The following LMBR1 variants were observed in gnomAD, a reference collection of about 807,000 sequenced individuals.
LMBR1 encodes limb region 1 protein homolog.
A neutral mutation model predicts 73.9 loss-of-function variants in LMBR1; 52 were observed. The ratio of observed to expected loss-of-function variants is 0.70; its 90% CI spans 0.56 to 0.89. The LOEUF is 0.89. Ranked by LOEUF, LMBR1 falls within the 40% of genes least tolerant of loss-of-function variation. LMBR1 has a pLI of 0.00. For missense variants in LMBR1, 539 were observed against 579.8 expected (o/e 0.93, Z 0.72); for synonymous variants, 215 against 209.4 (o/e 1.03, Z -0.23).
At chr7:156,673,925 A>G (rs73744314), downstream of LMBR1, among the ~76,000 whole-genome samples, 5,861 of 150,102 alleles carry the variant, frequency 0.039, 154 homozygotes, top group East Asian at 0.12. Context: ...AAAAAAAAGA[A>G]AAAGTGAACG....
At chr7:156,699,560 C>G (rs1809147574) in intron 15 of LMBR1, among the ~76,000 whole-genome samples, 1 of 151,800 alleles carries the variant, frequency 6.6e-6, no homozygotes, top group African/African-American at 2.4e-5. Context: ...CAAATGGGAT[C>G]TAATTAAACT....
chr7:156,836,497 A>G (rs994057403), intron 2 of LMBR1, among the ~76,000 whole-genome samples: 5 of 152,216 alleles, frequency 3.3e-5, no homozygotes, highest in Non-Finnish European at 7.3e-5. Context: ...TAAAACATTC[A>G]AAGTCAGAGC....
intron 1 of LMBR1, among the ~76,000 whole-genome samples, chr7:156,841,071 C>T (rs532062565): frequency 1.3e-5 from 2 of 151,638 alleles, no homozygotes; most frequent in South Asian, 4.2e-4. Flanking sequence ...AGCAGCCACT[C>T]GGACCTGTGC....
rs777740183 is a variant in LMBR1, at chr7:156,826,758, G to C, written c.180-14C>G. Reference sequence around the variant, plus strand: ...CTCAAAAACAACCTGGAAGAAAGGAGAGTCACCATCACAAGTGATCTGAAA... The same window carrying C: ...CTCAAAAACAACCTGGAAGAAAGGACAGTCACCATCACAAGTGATCTGAAA... On this transcript the variant is annotated splice_polypyrimidine_tract_variant and intron_variant, in intron 3 of 16. Coordinates refer to ENST00000353442, the MANE Select transcript of LMBR1 (RefSeq NM_022458.4). 1.3e-6 allele frequency: 2 copies of C among 1,598,862 alleles called. No individual in the cohort carries two copies. Among genetic ancestry groups the C allele is most frequent in the Non-Finnish European group, 1.7e-6 (2 of 1,171,330 alleles).
chr7:156,844,532 T>C (rs907369918), intron 1 of LMBR1, among the ~76,000 whole-genome samples: 10 of 150,868 alleles, frequency 6.6e-5, no homozygotes, highest in African/African-American at 2.2e-4. Flanking sequence ...TCTCCCTTTG[T>C]CCAGGATGAA....
At chr7:156,705,283 C>G (rs1810672908) in intron 15 of LMBR1, among the ~76,000 whole-genome samples, 1 of 152,180 alleles carries the variant, frequency 6.6e-6, no homozygotes. Flanking sequence ...TGCCCCTGGG[C>G]ATAGTGGCTT....
chr7:156,872,632 A>G (rs983456798), intron 1 of LMBR1, among the ~76,000 whole-genome samples: 3 of 151,836 alleles, frequency 2.0e-5, no homozygotes, highest in African/African-American at 7.3e-5. Context: ...GGGTAACAAG[A>G]GCAAAACTCC....
intron 4 of LMBR1, among the ~76,000 whole-genome samples, chr7:156,821,531 T>G (rs1316225565): frequency 6.6e-6 from 1 of 152,214 alleles, no homozygotes; most frequent in African/African-American, 2.4e-5. Flanking sequence ...TGTGTGATTA[T>G]TACATATTAA....
rs1219094430 is a variant in LMBR1 at position 156,681,994 on chromosome 7, T to C, written c.*2084A>G. ...CAGGAAGAGCCTCGAGGAACCGTGA[T>C]TACGCAGCAGCCCAAGGCTGTAACA... is the stretch of plus-strand genomic sequence containing the variant. On this transcript the variant is annotated 3_prime_UTR_variant, in exon 17 of 17. Coordinates refer to ENST00000353442, the MANE Select transcript of LMBR1 (RefSeq NM_022458.4). 2 of 152,264 alleles carry C rather than the reference T, an allele frequency of 1.3e-5. No individual in the cohort carries two copies. The highest frequency in any genetic ancestry group is 3.8e-4 in the East Asian group (2 of 5,200). The allele number at this position is 152,264 out of a possible 1,614,324, so 9.4% of individuals were successfully genotyped here. A position where few individuals can be genotyped will look rare whatever the true frequency, so the allele number is the denominator to read the frequency against.
At chr7:156,810,243 G>C (rs1167058499) in intron 4 of LMBR1, among the ~76,000 whole-genome samples, 1 of 152,200 alleles carries the variant, frequency 6.6e-6, no homozygotes, top group East Asian at 1.9e-4. Context: ...TGGAGAGGGG[G>C]TTGTGCCAGG....
downstream of LMBR1, chr7:156,676,494 G>A (rs1318025466): frequency 3.1e-6 from 5 of 1,614,056 alleles, no homozygotes; most frequent in South Asian, 1.1e-5. Flanking sequence ...GCGCGTGGGT[G>A]CAGGCAGGCG....
At chr7:156,809,363 C>T (rs1483941701) in intron 4 of LMBR1, among the ~76,000 whole-genome samples, 1 of 152,186 alleles carries the variant, frequency 6.6e-6, no homozygotes, top group African/African-American at 2.4e-5. Flanking sequence ...ACAATCCTCC[C>T]TCAGTGTCTG....
At chr7:156,838,951 A>C (rs923385618) in intron 1 of LMBR1, among the ~76,000 whole-genome samples, 1 of 151,094 alleles carries the variant, frequency 6.6e-6, no homozygotes, top group Non-Finnish European at 1.5e-5. Context: ...GTTTTGACTT[A>C]TATGTCCCTG....
chr7:156,858,872 T>C (rs12539207), intron 1 of LMBR1, among the ~76,000 whole-genome samples: 15,194 of 151,954 alleles, frequency 0.1, 866 homozygotes, highest in African/African-American at 0.13. Context: ...ATGATCAAGA[T>C]TCTCAGAAAC....
intron 2 of LMBR1, 65 bp downstream of exon 2, chr7:156,836,741 ATATATCT>A: frequency 1.1e-6 from 1 of 949,960 alleles, no homozygotes; most frequent in South Asian, 1.6e-5. Context: ...AAGTGTACTA[ATATATCT>A]TATATACCAT....
At chr7:156,880,531 T>G (rs1800926781) in intron 1 of LMBR1, among the ~76,000 whole-genome samples, 1 of 151,880 alleles carries the variant, frequency 6.6e-6, no homozygotes, top group Admixed American at 6.6e-5. Context: ...AAAAAGAAAT[T>G]AAAGAAGGCA....
At chr7:156,820,490 C>G (rs75636030) in intron 4 of LMBR1, among the ~76,000 whole-genome samples, 1 of 152,088 alleles carries the variant, frequency 6.6e-6, no homozygotes, top group East Asian at 1.9e-4. Context: ...AAGTTAACAA[C>G]CACTCTAAAC....
intron 1 of LMBR1, among the ~76,000 whole-genome samples, chr7:156,871,458 CCT>C (rs1799276560): frequency 6.6e-6 from 1 of 152,162 alleles, no homozygotes; most frequent in Non-Finnish European, 1.5e-5. Context: ...CCAGCATTTC[CCT>C]GATACCAAAG....
In LMBR1 at chr7:156,818,732, T is replaced by C. The variant is rs148944670; in HGVS notation, c.319+7873A>G. ...GAAAACCCACAAAGCAGCTGTATCA[T>C]TGTTTTTCAACTTATGGAAATGAAG... On this transcript the variant is annotated intron_variant, in intron 4 of 16. Coordinates refer to ENST00000353442, the MANE Select transcript of LMBR1 (RefSeq NM_022458.4). Among the ~76,000 whole-genome samples, 220 of 152,340 alleles carry C rather than the reference T, an allele frequency of 1.4e-3. 1 individual carries two copies. The highest frequency in any genetic ancestry group is 4.2e-3 in the African/African-American group (175 of 41,580).
Sources: allele counts gnomAD v4.1 joint callset (sites outside exome capture counted in the v4.1 genomes callset), GRCh38; gene constraint gnomAD v4.1.1; transcripts MANE v1.5; gene names NCBI Gene and HGNC (gene_info 2026-07-23, HGNC 2026-07-21).